Variants in NAV2 observed in about 807,000 individuals in gnomAD.
NAV2 encodes helicase, APC down-regulated 1.
Under a neutral mutation model 223.2 loss-of-function variants are expected in NAV2, and 54 were observed. The observed-to-expected ratio is 0.24, with a 90% CI of 0.19 to 0.30. The LOEUF (loss-of-function observed/expected upper bound fraction) is 0.30. NAV2 is among the 10% of genes least tolerant of loss of function. The pLI is 1.00. For missense variants in NAV2, 2,806 were observed against 3,147.5 expected (o/e 0.89, Z 2.60); for synonymous variants, 1,279 against 1,239.3 (o/e 1.03, Z -0.67).
chr11:20,091,161 C>A, intron 27 of NAV2, 143 bp downstream of exon 27: 1 of 735,374 alleles, frequency 1.4e-6, no homozygotes, highest in Non-Finnish European at 2.2e-6. Flanking sequence ...TCAGTCCCTC[C>A]CACACATTGC....
At chr11:19,960,829 C>G (rs1276958455) in intron 10 of NAV2, among the ~76,000 whole-genome samples, 3 of 152,022 alleles carry the variant, frequency 2.0e-5, no homozygotes, top group Non-Finnish European at 4.4e-5. Context: ...TCAGGCTGGT[C>G]TCAAACTCCT....
chr11:19,511,079 G>A (rs551510297), intron 1 of NAV2: 1 of 152,220 alleles, frequency 6.6e-6, no homozygotes, highest in South Asian at 2.1e-4. Context: ...AAGTCCAGGA[G>A]GTTCAAGGGA....
intron 3 of NAV2, among the ~76,000 whole-genome samples, chr11:19,858,858 G>T (rs1188345930): frequency 3.9e-5 from 6 of 152,152 alleles, no homozygotes; most frequent in Non-Finnish European, 5.9e-5. Flanking sequence ...ACTTCAAAAT[G>T]ATCTTTCACT....
intron 1 of NAV2, among the ~76,000 whole-genome samples, chr11:19,364,996 C>A (rs1433265398): frequency 1.3e-5 from 2 of 152,182 alleles, no homozygotes; most frequent in Admixed American, 6.5e-5. Flanking sequence ...TCTGAGCTTT[C>A]TTTTGAGGGA....
intron 4 of NAV2, among the ~76,000 whole-genome samples, chr11:19,870,611 A>C (rs1226553709): frequency 6.6e-6 from 1 of 152,110 alleles, no homozygotes; most frequent in Non-Finnish European, 1.5e-5. Context: ...TCTGTACCCC[A>C]AGGCATAGAG....
chr11:19,661,266 C>T (rs539930061), intron 1 of NAV2, among the ~76,000 whole-genome samples: 43 of 152,244 alleles, frequency 2.8e-4, no homozygotes, highest in Non-Finnish European at 4.3e-4. Flanking sequence ...TGTTGTAGCA[C>T]GTGTCCGAAT....
intron 8 of NAV2, among the ~76,000 whole-genome samples, chr11:19,940,821 C>T (rs1565605225): frequency 6.6e-6 from 1 of 152,162 alleles, no homozygotes; most frequent in Non-Finnish European, 1.5e-5. Context: ...GTAAGCAGTC[C>T]ATCTTAGAAT....
chr11:19,505,782 T>C (rs984191792), intron 1 of NAV2: 2 of 152,176 alleles, frequency 1.3e-5, no homozygotes, highest in Non-Finnish European at 2.9e-5. Flanking sequence ...CCTATATGTA[T>C]GTTAGGCTAG....
At chr11:19,860,662 T>G (rs2061708943) in intron 3 of NAV2, among the ~76,000 whole-genome samples, 1 of 151,956 alleles carries the variant, frequency 6.6e-6, no homozygotes, top group South Asian at 2.1e-4. Flanking sequence ...CTCGGCACTT[T>G]GGGAGGCCAA....
chr11:19,413,999 A>G, intron 1 of NAV2, among the ~76,000 whole-genome samples: 1 of 152,244 alleles, frequency 6.6e-6, no homozygotes, highest in South Asian at 2.1e-4. Flanking sequence ...CACTATGAAG[A>G]AACTGCATCA....
chr11:19,447,249 A>C (rs1273433440), intron 1 of NAV2, among the ~76,000 whole-genome samples: 1 of 152,110 alleles, frequency 6.6e-6, no homozygotes, highest in African/African-American at 2.4e-5. Context: ...TCTGAAATTG[A>C]GTGGGCTGGT....
intron 1 of NAV2, among the ~76,000 whole-genome samples, chr11:19,724,219 G>A (rs1195731756): frequency 6.6e-6 from 1 of 152,122 alleles, no homozygotes; most frequent in East Asian, 1.9e-4. Context: ...CAGAACCCAA[G>A]CCTTCTGACT....
At chr11:19,768,725 A>G (rs918626319) in intron 1 of NAV2, among the ~76,000 whole-genome samples, 1 of 152,184 alleles carries the variant, frequency 6.6e-6, no homozygotes, top group Non-Finnish European at 1.5e-5. Context: ...CTGCGTTGCA[A>G]TTCCAGCCAC....
intron 11 of NAV2, among the ~76,000 whole-genome samples, chr11:19,999,954 AT>A (rs1200879651): frequency 2.0e-5 from 3 of 152,194 alleles, no homozygotes; most frequent in African/African-American, 7.2e-5. Context: ...CAGGATATAC[AT>A]GTGGGTCCTC....
intron 1 of NAV2, among the ~76,000 whole-genome samples, chr11:19,490,278 T>C (rs2042581921): frequency 6.6e-6 from 1 of 152,172 alleles, no homozygotes; most frequent in Admixed American, 6.5e-5. Flanking sequence ...CAATGAAGTT[T>C]GCCACATCAA....
chr11:20,053,219 A>G (rs12792783), intron 17 of NAV2, among the ~76,000 whole-genome samples: 30 of 2,394 alleles, frequency 0.013, 1 homozygote, highest in African/African-American at 0.025. Context: ...CTACGTCTCG[A>G]AAAAAAAAAA....
At chr11:19,861,482 G>A (rs1248800042) in intron 3 of NAV2, among the ~76,000 whole-genome samples, 2 of 152,144 alleles carry the variant, frequency 1.3e-5, no homozygotes, top group Non-Finnish European at 2.9e-5. Flanking sequence ...AAAAACTACC[G>A]GTTGTTGGGC....
At chr11:20,088,412 C>T (rs765986979) in intron 26 of NAV2, among the ~76,000 whole-genome samples, 5 of 152,208 alleles carry the variant, frequency 3.3e-5, no homozygotes, top group Admixed American at 6.5e-5. Flanking sequence ...GTCTCGAACT[C>T]CCCACCTCAG....
chr11:19,730,703 G>A (rs948684428), intron 1 of NAV2, among the ~76,000 whole-genome samples: 2 of 152,146 alleles, frequency 1.3e-5, no homozygotes, highest in African/African-American at 4.8e-5. Context: ...TCCTCCTCCC[G>A]GCCTGGCACT....
Sources: allele counts gnomAD v4.1 joint callset (sites outside exome capture counted in the v4.1 genomes callset), GRCh38; gene constraint gnomAD v4.1.1; transcripts MANE v1.5; gene names NCBI Gene and HGNC (gene_info 2026-07-23, HGNC 2026-07-21).